Variants in NBAS observed in about 807,000 individuals in gnomAD.
NBAS encodes NAG/BC035112 fusion.
Under a neutral mutation model 302.5 loss-of-function variants are expected in NBAS, and 219 were observed. The ratio of observed to expected loss-of-function variants is 0.72; its 90% CI spans 0.65 to 0.81. NBAS has a LOEUF of 0.81. Among genes scored for constraint, NBAS ranks in the 30% least tolerant of loss-of-function variants. The probability of loss-of-function intolerance (pLI) is 0.00; values close to 1 mark genes in which losing one functional copy is unlikely to be tolerated. For missense variants in NBAS, 2,932 were observed against 2,841.6 expected, an observed-to-expected ratio of 1.03 and a Z score of -0.72; for synonymous variants, 1,118 against 1,021.6, an observed-to-expected ratio of 1.09 and a Z score of -1.80.
the NBAS span, among the ~76,000 whole-genome samples, chr2:14,836,487 C>G: frequency 6.6e-6 from 1 of 151,766 alleles, no homozygotes; most frequent in Non-Finnish European, 1.5e-5. Context: ...TAGCAAGTTT[C>G]TTTTCTCCCA....
chr2:14,888,951 C>A, the NBAS span, among the ~76,000 whole-genome samples: 1 of 152,174 alleles, frequency 6.6e-6, no homozygotes, highest in Non-Finnish European at 1.5e-5. Flanking sequence ...GCTGAATGTT[C>A]CCACACTTCA....
the NBAS span, among the ~76,000 whole-genome samples, chr2:14,980,977 G>C: frequency 6.6e-6 from 1 of 150,890 alleles, no homozygotes; most frequent in African/African-American, 2.4e-5. Flanking sequence ...AGATCTAAAA[G>C]ACAAAGAGGA....
the NBAS span, among the ~76,000 whole-genome samples, chr2:15,082,019 G>C: frequency 6.6e-6 from 1 of 152,120 alleles, no homozygotes; most frequent in African/African-American, 2.4e-5. Flanking sequence ...TATCTACCAG[G>C]GAAATTGTAA....
the NBAS span, among the ~76,000 whole-genome samples, chr2:15,034,031 AGGAG>A: frequency 0.014 from 553 of 39,306 alleles, 11 homozygotes; most frequent in East Asian, 0.21. Context: ...GAAGAAGAGG[AGGAG>A]GAAGGAGGAG....
the NBAS span, among the ~76,000 whole-genome samples, chr2:14,843,853 G>A: frequency 7.9e-5 from 12 of 152,094 alleles, no homozygotes; most frequent in East Asian, 5.8e-4. Flanking sequence ...GGTGATGCCC[G>A]CCAACAAAAG....
At chr2:15,507,399 T>C (rs1391312469) in intron 10 of NBAS, among the ~76,000 whole-genome samples, 1 of 124,400 alleles carries the variant, frequency 8.0e-6, no homozygotes, top group African/African-American at 3.1e-5. Flanking sequence ...AGCTTCTATA[T>C]TGAAAAAGCA....
At chr2:15,553,309 G>T in intron 5 of NBAS, 117 bp downstream of exon 5, 2 of 947,454 alleles carry the variant, frequency 2.1e-6, no homozygotes, top group Non-Finnish European at 3.3e-6. Flanking sequence ...ACAAAATTAA[G>T]TGAGTTAATA....
chr2:15,193,991 C>T (rs1665489834), intron 48 of NBAS, among the ~76,000 whole-genome samples: 1 of 151,718 alleles, frequency 6.6e-6, no homozygotes. Context: ...TATCTTCTGT[C>T]TCTCCAGCCA....
chr2:15,168,308 C>A (rs537373641), intron 51 of NBAS, among the ~76,000 whole-genome samples: 1 of 152,322 alleles, frequency 6.6e-6, no homozygotes, highest in Non-Finnish European at 1.5e-5. Flanking sequence ...GCTCTTCCTG[C>A]ATGTTCTGTG....
chr2:15,142,839 T>G, the NBAS span, among the ~76,000 whole-genome samples: 1 of 152,150 alleles, frequency 6.6e-6, no homozygotes, highest in African/African-American at 2.4e-5. Context: ...TGAACCTACA[T>G]CTAGCGTACA....
intron 21 of NBAS, among the ~76,000 whole-genome samples, chr2:15,443,652 G>C (rs888570409): frequency 4.0e-5 from 6 of 150,664 alleles, no homozygotes; most frequent in Admixed American, 4.0e-4. Context: ...GTTCTGGCCA[G>C]GGCAATTAGG....
intron 32 of NBAS, among the ~76,000 whole-genome samples, chr2:15,359,097 C>T (rs199625338): frequency 6.6e-6 from 1 of 152,176 alleles, no homozygotes. Flanking sequence ...AAAAGCCCAA[C>T]AGAACCTTCT....
chr2:15,513,329 T>G (rs1202816764), intron 9 of NBAS, among the ~76,000 whole-genome samples: 1 of 152,216 alleles, frequency 6.6e-6, no homozygotes, highest in Non-Finnish European at 1.5e-5. Flanking sequence ...TAATTAACCC[T>G]GCTCACCAGG....
intron 50 of NBAS, among the ~76,000 whole-genome samples, chr2:15,185,200 C>T (rs1331817467): frequency 6.6e-6 from 1 of 152,150 alleles, no homozygotes; most frequent in East Asian, 1.9e-4. Flanking sequence ...CCCTCCAATC[C>T]ATCAGCTGTC....
At chr2:15,121,329 C>T in the NBAS span, among the ~76,000 whole-genome samples, 1 of 152,306 alleles carries the variant, frequency 6.6e-6, no homozygotes, top group South Asian at 2.1e-4. Context: ...GGACCAAGAA[C>T]ACTACTGGTG....
At chr2:15,036,104 C>CT in the NBAS span, among the ~76,000 whole-genome samples, 74 of 152,208 alleles carry the variant, frequency 4.9e-4, no homozygotes, top group African/African-American at 1.8e-3. Context: ...AAGAATTGCC[C>CT]TTTTTGTATC....
chr2:14,856,083 A>AAG, the NBAS span, among the ~76,000 whole-genome samples: 19 of 152,002 alleles, frequency 1.2e-4, no homozygotes, highest in African/African-American at 3.9e-4. Flanking sequence ...GAGAGAGAGA[A>AAG]AGAGAGAGAG....
intron 6 of NBAS, among the ~76,000 whole-genome samples, chr2:15,547,892 T>C (rs540956036): frequency 7.9e-5 from 12 of 152,360 alleles, no homozygotes; most frequent in Admixed American, 2.0e-4. Flanking sequence ...GCTTTAGATA[T>C]TCATACTTAA....
At chr2:15,356,796 G>C (rs891769099) in intron 32 of NBAS, among the ~76,000 whole-genome samples, 2 of 152,178 alleles carry the variant, frequency 1.3e-5, no homozygotes, top group Non-Finnish European at 2.9e-5. Flanking sequence ...AGCAGATTAA[G>C]TGAACGGATG....
Sources: allele counts gnomAD v4.1 joint callset (sites outside exome capture counted in the v4.1 genomes callset), GRCh38; gene constraint gnomAD v4.1.1; transcripts MANE v1.5; gene names NCBI Gene and HGNC (gene_info 2026-07-23, HGNC 2026-07-21).